ZNF469: variants seen among roughly 807,000 people sequenced by gnomAD.
The protein encoded by ZNF469 is zinc finger protein 469.
ZNF469 carries 1 observed loss-of-function variant against 1.0 expected under a neutral mutation model. The observed-to-expected ratio is 1.00, with a 90% CI of 0.35 to 4.73. The LOEUF (loss-of-function observed/expected upper bound fraction) is 4.73. Ranked by LOEUF, ZNF469 falls within the 30% of genes most tolerant of loss-of-function variation. The pLI is 0.16. For missense variants in ZNF469, 6,100 were observed against 5,356.3 expected (o/e 1.14, Z -4.33); for synonymous variants, 2,703 against 2,363.4 (o/e 1.14, Z -4.17).
At chr16:88,282,008 AC>A in the ZNF469 span, among the ~76,000 whole-genome samples, 699 of 152,332 alleles carry the variant, frequency 4.6e-3, 5 homozygotes, top group African/African-American at 0.016. Context: ...GTTAGTTAGT[AC>A]TAATGAGCCA....
At chr16:88,262,373 G>A in the ZNF469 span, among the ~76,000 whole-genome samples, 1 of 152,232 alleles carries the variant, frequency 6.6e-6, no homozygotes, top group African/African-American at 2.4e-5. The surrounding 1 kb of genome is among the most constrained non-coding windows in gnomAD (Gnocchi z 4.3). Context: ...CTGCAGTTCA[G>A]TGACTGGAGA....
chr16:88,404,701 G>A (rs781705323), intron 1 of ZNF469, among the ~76,000 whole-genome samples: 15 of 152,148 alleles, frequency 9.9e-5, no homozygotes, highest in African/African-American at 1.4e-4. Flanking sequence ...AGGAGGCACC[G>A]ACCACCCAGA....
At chr16:88,383,817 C>T (rs766269091) in intron 1 of ZNF469, among the ~76,000 whole-genome samples, 28 of 152,148 alleles carry the variant, frequency 1.8e-4, no homozygotes, top group Non-Finnish European at 3.5e-4. Context: ...GGAGCCCACC[C>T]TGGGGGAGAC....
chr16:88,326,697 C>T, the ZNF469 span, among the ~76,000 whole-genome samples: 1 of 152,162 alleles, frequency 6.6e-6, no homozygotes. Flanking sequence ...TTTAACGTCA[C>T]TGACTCATGG....
chr16:88,425,570 CTG>C (rs1241412547), intron 2 of ZNF469, among the ~76,000 whole-genome samples: 2 of 152,250 alleles, frequency 1.3e-5, no homozygotes, highest in African/African-American at 4.8e-5. Context: ...CCCCACCTCT[CTG>C]TGCCTGGATT....
chr16:88,170,714 G>C, the ZNF469 span, among the ~76,000 whole-genome samples: 1 of 152,260 alleles, frequency 6.6e-6, no homozygotes, highest in Non-Finnish European at 1.5e-5. This position sits in a 1 kb window ranked among gnomAD's most constrained non-coding sequence, Gnocchi z 4.2. Context: ...TCCTTTCTTG[G>C]CTGTTGTGAG....
chr16:88,329,608 G>T, the ZNF469 span, among the ~76,000 whole-genome samples: 8 of 152,202 alleles, frequency 5.3e-5, no homozygotes, highest in African/African-American at 1.2e-4. Flanking sequence ...GCCCCTGAAG[G>T]CCCCAAATCC....
At chr16:88,328,892 C>A in the ZNF469 span, among the ~76,000 whole-genome samples, 1 of 151,992 alleles carries the variant, frequency 6.6e-6, no homozygotes, top group Non-Finnish European at 1.5e-5. Flanking sequence ...GCAGAGGAGG[C>A]CGAGGAGGAA....
upstream of ZNF469, among the ~76,000 whole-genome samples, chr16:88,380,672 CAA>C (rs1491349365): frequency 1.4e-5 from 2 of 142,270 alleles, no homozygotes; most frequent in African/African-American, 2.6e-5. Flanking sequence ...CGCCCTCACA[CAA>C]GACATGCATT....
chr16:88,164,123 CGGAT>C, the ZNF469 span, among the ~76,000 whole-genome samples: 1 of 111,548 alleles, frequency 9.0e-6, no homozygotes, highest in South Asian at 3.0e-4. Flanking sequence ...GTTGGGTAGA[CGGAT>C]GGGTAGATGG....
chr16:88,131,450 T>C, the ZNF469 span, among the ~76,000 whole-genome samples: 1 of 112,876 alleles, frequency 8.9e-6, no homozygotes, highest in Non-Finnish European at 2.0e-5. Flanking sequence ...GGCCTGTTTG[T>C]TAGAACCTCT....
At chr16:88,339,928 T>C in the ZNF469 span, among the ~76,000 whole-genome samples, 3 of 140,980 alleles carry the variant, frequency 2.1e-5, 1 homozygote, top group African/African-American at 8.8e-5. Context: ...GGTGGCACAG[T>C]GTTGGGGACG....
chr16:88,332,387 T>A, the ZNF469 span, among the ~76,000 whole-genome samples: 9 of 152,346 alleles, frequency 5.9e-5, no homozygotes, highest in South Asian at 1.7e-3. Flanking sequence ...GAACCCATGA[T>A]GTGCCGTCAC....
chr16:88,310,645 C>T, the ZNF469 span, among the ~76,000 whole-genome samples: 14,451 of 151,596 alleles, frequency 0.095, 1,031 homozygotes, highest in East Asian at 0.34. Flanking sequence ...TGCAGCAGCG[C>T]GATCTCGGCT....
At chr16:88,113,526 G>C in the ZNF469 span, among the ~76,000 whole-genome samples, 1 of 152,202 alleles carries the variant, frequency 6.6e-6, no homozygotes, top group African/African-American at 2.4e-5. Flanking sequence ...GACGCAGGAC[G>C]TGAGGACCTG....
chr16:88,164,833 G>A, the ZNF469 span, among the ~76,000 whole-genome samples: 104 of 152,336 alleles, frequency 6.8e-4, no homozygotes, highest in South Asian at 1.9e-3. Context: ...TGACTGAATA[G>A]TGCATGAGTC....
the ZNF469 span, among the ~76,000 whole-genome samples, chr16:88,312,800 G>A: frequency 6.6e-6 from 1 of 152,124 alleles, no homozygotes; most frequent in Non-Finnish European, 1.5e-5. Flanking sequence ...CCACTGATGG[G>A]TCCACCCATC....
At position 88,424,704 on chromosome 16, in the gene ZNF469, G is replaced by A. The variant is rs529680123; in HGVS notation, c.-191-103G>A. 2.6e-5 allele frequency among the ~76,000 whole-genome samples: 4 copies of A among 152,218 alleles called. No homozygotes were observed. The South Asian group carries it at 8.3e-4, about 32-fold the overall frequency. ...TCCCGGTGCCCTGAGGCCACAGCCG[G>A]CTCTGCCCAGGAGCCGCTCCCTCCC... On this transcript the variant is annotated intron_variant, in intron 1 of 2. Transcript: ENST00000565624. The surrounding 1 kb of genome is among the most constrained non-coding windows in gnomAD (Gnocchi z 4.3).
chr16:88,309,617 C>T, the ZNF469 span, among the ~76,000 whole-genome samples: 1 of 142,706 alleles, frequency 7.0e-6, no homozygotes, highest in Non-Finnish European at 1.5e-5. Flanking sequence ...CCTCTGAGGT[C>T]CCCTGTCAGT....
Sources: gnomAD v4.1 joint callset for allele counts (sites outside exome capture counted in the v4.1 genomes callset) on GRCh38, gnomAD v4.1.1 for gene constraint, Gnocchi (gnomAD v3.1) non-coding constraint, MANE v1.5 for transcripts, NCBI Gene and HGNC (gene_info 2026-07-23, HGNC 2026-07-21) for gene names.